The following GRM5 variants were observed in gnomAD, a reference collection of about 807,000 sequenced individuals.
GRM5 encodes glutamate metabotropic receptor 5.
GRM5 carries 19 observed loss-of-function variants against 83.1 expected under a neutral mutation model. That is an observed-to-expected ratio of 0.23 (90% confidence interval 0.16 to 0.34). The LOEUF (loss-of-function observed/expected upper bound fraction) is 0.34, where lower values mean the gene tolerates loss of function less well. Ranked by LOEUF, GRM5 falls within the 10% of genes least tolerant of loss-of-function variation. The probability of loss-of-function intolerance (pLI) is 1.00; values close to 1 mark genes in which losing one functional copy is unlikely to be tolerated. For synonymous variants in GRM5, 675 were observed against 633.6 expected, an observed-to-expected ratio of 1.07 and a Z score of -0.98; for missense variants, 1,160 against 1,588.3, an observed-to-expected ratio of 0.73 and a Z score of 4.58.
chr11:88,546,897 G>C lies in GRM5; in HGVS notation c.2630+20156C>G, dbSNP rs926854422. ...AAGAAGAGCAAGCTGAAGATACTATGAGGAATTGCCAGTAGTGTATTTTTC... is the reference window on the plus strand; with the variant it reads ...AAGAAGAGCAAGCTGAAGATACTATCAGGAATTGCCAGTAGTGTATTTTTC... On this transcript the variant is annotated intron_variant, in intron 8 of 9. Coordinates refer to ENST00000305447, the MANE Select transcript of GRM5 (RefSeq NM_001143831.3). 4.6e-5 allele frequency among the ~76,000 whole-genome samples: 7 copies of C among 152,210 alleles called. No homozygotes were observed. In the South Asian group the frequency reaches 1.2e-3, roughly 27 times the overall value.
At chr11:88,986,031 TA>T (rs1258199913) in intron 2 of GRM5, among the ~76,000 whole-genome samples, 1 of 152,098 alleles carries the variant, frequency 6.6e-6, no homozygotes, top group Non-Finnish European at 1.5e-5. Context: ...GCATTTATCC[TA>T]AAAAATGAAA....
intron 8 of GRM5, among the ~76,000 whole-genome samples, chr11:88,532,594 A>G (rs1942038853): frequency 6.6e-6 from 1 of 152,212 alleles, no homozygotes; most frequent in Non-Finnish European, 1.5e-5. Context: ...CCATTATGTA[A>G]GCCCTCAACC....
chr11:88,857,146 G>C (rs1407406865), intron 2 of GRM5, among the ~76,000 whole-genome samples: 1 of 151,998 alleles, frequency 6.6e-6, no homozygotes, highest in Non-Finnish European at 1.5e-5. Flanking sequence ...TGGTCAAACA[G>C]TGTAACTATT....
intron 3 of GRM5, among the ~76,000 whole-genome samples, chr11:88,684,306 C>T (rs1940567011): frequency 6.6e-6 from 1 of 152,034 alleles, no homozygotes; most frequent in South Asian, 2.1e-4. Flanking sequence ...TATGATTAAT[C>T]TACGCTTAAA....
At chr11:88,926,361 G>T (rs1199584915) in intron 2 of GRM5, among the ~76,000 whole-genome samples, 1 of 152,176 alleles carries the variant, frequency 6.6e-6, no homozygotes. Context: ...CATGTTGAAA[G>T]ATAACATTTT....
intron 2 of GRM5, among the ~76,000 whole-genome samples, chr11:89,024,817 A>G (rs1565340554): frequency 6.6e-6 from 1 of 152,132 alleles, no homozygotes; most frequent in Non-Finnish European, 1.5e-5. Flanking sequence ...ACAGTCTGCT[A>G]ACAAATTATC....
At position 88,653,179 on chromosome 11, in the gene GRM5, T is replaced by C; in HGVS notation, c.1136A>G (p.Lys379Arg). 1 of 1,587,634 alleles carries C rather than the reference T, an allele frequency of 6.3e-7. No individual in the cohort carries two copies. The change falls in exon 4 of 10, where the codon AAG becomes AGG. Residue 379 changes from lysine to arginine, a missense_variant. Coordinates refer to ENST00000305447, the MANE Select transcript of GRM5 (RefSeq NM_001143831.3). ...ATAAATCTGCTTACTATTGCAAGTCTTGTTGTATTTGCTGTTCTCCTGTGG... is the reference window on the plus strand; with the variant it reads ...ATAAATCTGCTTACTATTGCAAGTCCTGTTGTATTTGCTGTTCTCCTGTGG... The part of the protein sequence containing the change: ...GFPQENSKYN[K>R]TCNSSLTLKT...
intron 3 of GRM5, among the ~76,000 whole-genome samples, chr11:88,675,407 G>A (rs1178179124): frequency 6.6e-6 from 1 of 151,938 alleles, no homozygotes; most frequent in African/African-American, 2.4e-5. Context: ...AAGATATGTC[G>A]GCAATTTAAA....
chr11:88,649,357 ATATAT>A lies in GRM5; in HGVS notation c.1147+3806_1147+3810del, dbSNP rs1591410719. The stretch of plus-strand genomic sequence containing the variant: ...ATATATTACATATTACATATACATA[ATATAT>A]TAAATATTACATATATTATGTATTA... On this transcript the variant is annotated intron_variant, in intron 4 of 9. Transcript: ENST00000305447. Among the ~76,000 whole-genome samples the A allele has an allele frequency of 2.8e-5, 4 of 141,146 alleles. No homozygotes were observed. In the East Asian group the frequency reaches 5.9e-4, roughly 21 times the overall value. 92.6% of individuals were successfully genotyped at this position (141,146 alleles called of 152,430 possible). A position where few individuals can be genotyped will look rare whatever the true frequency, so the allele number is the denominator to read the frequency against.
intron 2 of GRM5, among the ~76,000 whole-genome samples, chr11:89,024,853 T>C (rs1437317082): frequency 6.6e-6 from 1 of 152,184 alleles, no homozygotes. Context: ...AATTGCTTCA[T>C]AGTAGACTCT....
chr11:88,872,879 A>G (rs1944792791), intron 2 of GRM5, among the ~76,000 whole-genome samples: 1 of 151,558 alleles, frequency 6.6e-6, no homozygotes, highest in African/African-American at 2.4e-5. Context: ...TTTACCTTAT[A>G]TGTAAATGAA....
chr11:88,660,519 T>C lies in GRM5; in HGVS notation c.912-7116A>G, dbSNP rs115813262. Among the ~76,000 whole-genome samples the C allele has an allele frequency of 6.7e-3, 1,014 of 152,286 alleles. 6 individuals carry two copies. The highest frequency in any genetic ancestry group is 0.023 in the African/African-American group (966 of 41,564). ...ACCTGCCATAGGCAAACAACATAAGTACATTCTGTACCCAAAGGAGCAATA... is the reference window on the plus strand; with the variant it reads ...ACCTGCCATAGGCAAACAACATAAGCACATTCTGTACCCAAAGGAGCAATA... On this transcript the variant is annotated intron_variant, in intron 3 of 9. Coordinates refer to ENST00000305447, the MANE Select transcript of GRM5 (RefSeq NM_001143831.3).
intron 2 of GRM5, among the ~76,000 whole-genome samples, chr11:89,010,636 T>C (rs1940667622): frequency 6.6e-6 from 1 of 151,780 alleles, no homozygotes; most frequent in Non-Finnish European, 1.5e-5. Flanking sequence ...AACATGTTAT[T>C]CTTAAAGGGA....
At chr11:88,850,275 A>C in intron 2 of GRM5, 120 bp from the exon 3 acceptor site, 1 of 801,304 alleles carries the variant, frequency 1.2e-6, no homozygotes, top group Non-Finnish European at 2.0e-6. Flanking sequence ...TGCAACCTGA[A>C]GACCTGAATT....
In GRM5 at chr11:88,590,951, G is replaced by T. The variant is rs1361130345; in HGVS notation, c.1564-224C>A. 2.0e-5 allele frequency among the ~76,000 whole-genome samples: 3 copies of T among 152,080 alleles called. No individual in the cohort carries two copies. The East Asian group carries it at 5.8e-4, about 29-fold the overall frequency. ...TAAAGTTAGCTTGTGGCAGGATAAA[G>T]AATTAAATTAAATGAAAGTCTTTGG... On this transcript the variant is annotated intron_variant, in intron 6 of 9. Transcript: ENST00000305447.
chr11:88,559,632 C>T (rs771190383), intron 8 of GRM5, among the ~76,000 whole-genome samples: 1 of 152,194 alleles, frequency 6.6e-6, no homozygotes, highest in Non-Finnish European at 1.5e-5. Flanking sequence ...TTTTCTTGTT[C>T]ACTGGCAAAT....
At chr11:88,918,198 A>C (rs879652128) in intron 2 of GRM5, among the ~76,000 whole-genome samples, 2 of 151,894 alleles carry the variant, frequency 1.3e-5, no homozygotes, top group Non-Finnish European at 2.9e-5. Flanking sequence ...GAAGGAAAAA[A>C]AAAAAACAAA....
At chr11:88,628,806 A>G (rs905462594) in intron 4 of GRM5, among the ~76,000 whole-genome samples, 1 of 152,210 alleles carries the variant, frequency 6.6e-6, no homozygotes, top group Admixed American at 6.5e-5. Flanking sequence ...AATCTAATGT[A>G]GATTGTGAAG....
chr11:88,871,195 G>A (rs1251842257), intron 2 of GRM5, among the ~76,000 whole-genome samples: 1 of 151,640 alleles, frequency 6.6e-6, no homozygotes, highest in African/African-American at 2.4e-5. Context: ...AGACTGGAAT[G>A]AAATATTATC....
Sources: gnomAD v4.1 joint callset for allele counts (sites outside exome capture counted in the v4.1 genomes callset) on GRCh38, gnomAD v4.1.1 for gene constraint, MANE v1.5 for transcripts, NCBI Gene and HGNC (gene_info 2026-07-23, HGNC 2026-07-21) for gene names.